Variants in NPC2 observed in about 807,000 individuals in gnomAD.
NPC2 encodes the protein Niemann-Pick disease type C2 protein.
In NPC2, 14 loss-of-function variants were observed where a neutral mutation model predicts 17.0. That is an observed-to-expected ratio of 0.82 (90% CI 0.54 to 1.29). The LOEUF (loss-of-function observed/expected upper bound fraction) is 1.29, where lower values mean the gene tolerates loss of function less well. Ranked by LOEUF, NPC2 falls within the 50% of genes most tolerant of loss-of-function variation. The pLI is 0.00. For synonymous variants in NPC2, 75 were observed against 69.3 expected, an observed-to-expected ratio of 1.08 and a Z score of -0.41; for missense variants, 167 against 183.4, an observed-to-expected ratio of 0.91 and a Z score of 0.52.
intron 3 of NPC2, 32 bp downstream of exon 3, chr14:74,484,383 C>T (rs780394554): frequency 4.3e-6 from 7 of 1,612,334 alleles, no homozygotes; most frequent in Admixed American, 3.3e-5. Context: ...AGTCCCAAGG[C>T]CTCCCGTGTC....
intron 1 of NPC2, among the ~76,000 whole-genome samples, chr14:74,492,675 T>C (rs1213258155): frequency 6.6e-6 from 1 of 152,082 alleles, no homozygotes; most frequent in Non-Finnish European, 1.5e-5. Flanking sequence ...ATGAGATTTA[T>C]ACAAGGAAAA....
intron 4 of NPC2, 162 bp downstream of exon 4, chr14:74,480,540 G>C: frequency 1.2e-6 from 1 of 800,680 alleles, no homozygotes; most frequent in Admixed American, 1.7e-5. Flanking sequence ...CAACAGTTCT[G>C]AGCTCTCAGG....
intron 3 of NPC2, among the ~76,000 whole-genome samples, chr14:74,481,787 C>T (rs2086658360): frequency 6.6e-6 from 1 of 152,218 alleles, no homozygotes; most frequent in Non-Finnish European, 1.5e-5. Context: ...TGACTTGTTA[C>T]ACTCATATCA....
chr14:74,489,103 T>C (rs1185063293), intron 1 of NPC2, among the ~76,000 whole-genome samples: 1 of 152,224 alleles, frequency 6.6e-6, no homozygotes, highest in Non-Finnish European at 1.5e-5. Flanking sequence ...AAGGTCTTTA[T>C]AGTTTCAGTA....
chr14:74,483,921 T>C (rs1422635849), intron 3 of NPC2, among the ~76,000 whole-genome samples: 4 of 152,240 alleles, frequency 2.6e-5, no homozygotes, highest in Non-Finnish European at 5.9e-5. Context: ...GATAACTTTT[T>C]TGAATCAATT....
chr14:74,489,034 G>C (rs914151764), intron 1 of NPC2, among the ~76,000 whole-genome samples: 1 of 152,228 alleles, frequency 6.6e-6, no homozygotes, highest in African/African-American at 2.4e-5. Context: ...TCTTGACTAA[G>C]GTTGTTAAGA....
chr14:74,482,385 T>G (rs1360495964), intron 3 of NPC2, among the ~76,000 whole-genome samples: 1 of 152,210 alleles, frequency 6.6e-6, no homozygotes, highest in African/African-American at 2.4e-5. Flanking sequence ...TCAAGATACA[T>G]ATCTTTAATA....
At chr14:74,482,917 A>C in intron 3 of NPC2, 1 of 471,216 alleles carries the variant, frequency 2.1e-6, no homozygotes, top group Non-Finnish European at 4.1e-6. Context: ...AGGAGGGAGG[A>C]GGAGGTGGAG....
Position 74,483,338 on chromosome 14 carries a change from G to C in NPC2, c.363+1077C>G, listed in dbSNP as rs531665080. ...GGAAGATGAGTGAGTAGTTGGCAAA[G>C]AACAGGGCCAGAATTTAGCATGACA... On this transcript the variant is annotated intron_variant, in intron 3 of 4. Transcript: ENST00000555619. 3 of 1,354,168 alleles carry C rather than the reference G, an allele frequency of 2.2e-6. No homozygotes were observed. In the African/African-American group the frequency reaches 4.3e-5, roughly 19 times the overall value. 83.9% of individuals were successfully genotyped at this position (1,354,168 alleles called of 1,614,324 possible).
intron 3 of NPC2, chr14:74,483,471 A>C (rs1417652349): frequency 6.4e-7 from 1 of 1,561,806 alleles, no homozygotes; most frequent in Non-Finnish European, 8.8e-7. Context: ...CCAGTGGAAA[A>C]GAAACAGCCT....
chr14:74,480,342 T>C, intron 4 of NPC2, 54 bp from the exon 5 acceptor site: 1 of 1,481,200 alleles, frequency 6.8e-7, no homozygotes, highest in Non-Finnish European at 9.4e-7. Flanking sequence ...TTTCCTCCAC[T>C]GTCAGGGCAA....
chr14:74,484,922 T>A (rs1290365069), intron 2 of NPC2, among the ~76,000 whole-genome samples: 1 of 152,216 alleles, frequency 6.6e-6, no homozygotes, highest in Non-Finnish European at 1.5e-5. Context: ...TTGCTATTTA[T>A]ATCAGCTTCT....
intron 1 of NPC2, among the ~76,000 whole-genome samples, chr14:74,491,067 T>A (rs2086766303): frequency 6.6e-6 from 1 of 151,906 alleles, no homozygotes; most frequent in South Asian, 2.1e-4. Context: ...ATGGAATGAG[T>A]TATTTTATTT....
chr14:74,480,900 T>C, intron 3 of NPC2, 121 bp from the exon 4 acceptor site: 2 of 866,506 alleles, frequency 2.3e-6, no homozygotes, highest in Non-Finnish European at 3.9e-6. Context: ...ATACTTTTTT[T>C]CTTAAATCAT....
intron 3 of NPC2, chr14:74,482,932 T>A: frequency 2.1e-6 from 1 of 481,360 alleles, no homozygotes; most frequent in Admixed American, 2.9e-5. Flanking sequence ...GTGGAGGAGG[T>A]GCCAGACTGG....
At chr14:74,482,125 G>A (rs141199193) in intron 3 of NPC2, among the ~76,000 whole-genome samples, 24 of 152,282 alleles carry the variant, frequency 1.6e-4, no homozygotes, top group African/African-American at 5.8e-4. Flanking sequence ...CACTGCATAC[G>A]TAACTGAGGT....
chr14:74,482,919 G>A, intron 3 of NPC2: 1 of 488,412 alleles, frequency 2.0e-6, no homozygotes. Flanking sequence ...GAGGGAGGAG[G>A]AGGTGGAGGA....
rs1407673506 is a variant in NPC2 at position 74,484,295 on chromosome 14, C to A, written c.363+120G>T. The A allele has an allele frequency of 2.8e-6, 3 of 1,062,368 alleles. No individual in the cohort carries two copies. The South Asian group carries it at 3.8e-5, about 13-fold the overall frequency. 65.8% of individuals were successfully genotyped at this position (1,062,368 alleles called of 1,614,324 possible). On this transcript the variant is annotated intron_variant, in intron 3 of 4. Transcript: ENST00000555619. ...CCGCACCTATCTCCTTTCCCTCGGG[C>A]TTCTTCTTCATCATAGAGATAAGGG...
At chr14:74,483,607 A>G (rs1485534709) in intron 3 of NPC2, among the ~76,000 whole-genome samples, 2 of 152,230 alleles carry the variant, frequency 1.3e-5, no homozygotes, top group African/African-American at 2.4e-5. Context: ...AATAAATTTG[A>G]AGAGGCTTCT....
Sources: gnomAD v4.1 joint callset for allele counts (sites outside exome capture counted in the v4.1 genomes callset) on GRCh38, gnomAD v4.1.1 for gene constraint, MANE v1.5 for transcripts, NCBI Gene and HGNC (gene_info 2026-07-23, HGNC 2026-07-21) for gene names.